The following PEX1 variants were observed in gnomAD, a reference collection of about 807,000 sequenced individuals.
The protein encoded by PEX1 is peroxisomal biogenesis factor 1, also known as peroxisomal ATPase PEX1.
Under a neutral mutation model 152.5 loss-of-function variants are expected in PEX1, and 97 were observed. The ratio of observed to expected loss-of-function variants is 0.64; its 90% CI spans 0.54 to 0.75. The LOEUF (loss-of-function observed/expected upper bound fraction) is 0.75, where lower values mean the gene tolerates loss of function less well. PEX1 is among the 30% of genes least tolerant of loss of function. The pLI is 0.00. For synonymous variants in PEX1, 485 were observed against 531.6 expected, an observed-to-expected ratio of 0.91 and a Z score of 1.21; for missense variants, 1,357 against 1,516.3, an observed-to-expected ratio of 0.89 and a Z score of 1.74.
rs1212408253 is a variant in PEX1 at position 92,487,427 on chromosome 7, TAACAG to T, written c.*25_*29del. 2.4e-6 allele frequency: 3 copies of T among 1,250,626 alleles called. No individual in the cohort carries two copies. In the African/African-American group the frequency reaches 4.4e-5, roughly 18 times the overall value. 77.5% of individuals were successfully genotyped at this position (1,250,626 alleles called of 1,614,324 possible). ...CATATGGAAAAGCCATCAAAAAACT[TAACAG>T]AACCAAATCAAAAAGAAGTATATTT... On this transcript the variant is annotated 3_prime_UTR_variant, in exon 24 of 24. Transcript: ENST00000248633.
rs1286363343 is a variant in PEX1 at position 92,494,537 on chromosome 7, CGG to C, written c.2874_2875del (p.Asp958GlufsTer4). ...CTGAGTCAGCAACTGGTTAACTACT[CGG>C]TCTGTAACTCCTGTATTATCATGAC... On this transcript the variant is annotated frameshift_variant, in exon 18 of 24. Transcript: ENST00000248633. LOFTEE classifies it high-confidence loss of function. The C allele has an allele frequency of 1.3e-5, 21 of 1,613,854 alleles. No individual in the cohort carries two copies. The highest frequency in any genetic ancestry group is 1.8e-5 in the Non-Finnish European group (21 of 1,179,780).
intron 16 of PEX1, among the ~76,000 whole-genome samples, chr7:92,497,541 A>G (rs566551980): frequency 6.6e-6 from 1 of 152,282 alleles, no homozygotes; most frequent in African/African-American, 2.4e-5. Context: ...AGCAAAATCA[A>G]TAATGAGAAT....
At chr7:92,499,949 C>T (rs1791847916) in intron 15 of PEX1, 111 bp from the exon 16 acceptor site, 2 of 802,288 alleles carry the variant, frequency 2.5e-6, no homozygotes, top group East Asian at 2.6e-5. Context: ...TAATCACGAC[C>T]ATCTTTCTTT....
chr7:92,503,619 T>C (rs781739469), intron 12 of PEX1, among the ~76,000 whole-genome samples: 6 of 152,196 alleles, frequency 3.9e-5, no homozygotes, highest in African/African-American at 1.2e-4. Flanking sequence ...CCAGGTCTTA[T>C]AAGGTTTCAT....
At chr7:92,512,363 G>A (rs1164888762) in intron 6 of PEX1, among the ~76,000 whole-genome samples, 1 of 152,172 alleles carries the variant, frequency 6.6e-6, no homozygotes, top group East Asian at 1.9e-4. Flanking sequence ...ATATTGCCTA[G>A]GCTGGAGTGC....
rs745394980 is a variant in PEX1 at position 92,501,503 on chromosome 7, A to G, written c.2583+4T>C. On this transcript the variant is annotated splice_donor_region_variant and intron_variant, in intron 15 of 23. Transcript: ENST00000248633. ...GTATTCACTTTTTCTTTTTTTAAACATACCTTGGCAGGTAACTGGATAGTA... is the reference window on the plus strand; with the variant it reads ...GTATTCACTTTTTCTTTTTTTAAACGTACCTTGGCAGGTAACTGGATAGTA... The G allele has an allele frequency of 7.5e-6, 12 of 1,610,414 alleles. No homozygotes were observed. In the South Asian group the frequency reaches 1.3e-4, roughly 18 times the overall value.
At chr7:92,491,118 C>A (rs926479163) in intron 21 of PEX1, 154 bp downstream of exon 21, 1 of 615,212 alleles carries the variant, frequency 1.6e-6, no homozygotes. Context: ...ATGCAAATTA[C>A]CAATTAGTGT....
intron 22 of PEX1, 114 bp downstream of exon 22, chr7:92,489,600 C>T (rs1350029977): frequency 3.8e-6 from 4 of 1,061,440 alleles, no homozygotes; most frequent in Non-Finnish European, 5.7e-6. Context: ...TTAATGTGTT[C>T]TGGTCCCTTG....
At position 92,491,428 on chromosome 7, in the gene PEX1, G is replaced by A. The variant is rs577474412; in HGVS notation, c.3282C>T (p.Asp1094=). ...MVFLNHSSGS[D]DSAGDGECGL... is the part of the protein sequence containing the mutation. The stretch of plus-strand genomic sequence containing the variant: ...CACATTCTCCATCTCCAGCTGAATC[G>A]TCAGAGCCACTGCTATGGTTAAGAA... Residue 1094 remains aspartate, a synonymous_variant, in exon 21 of 24, where the codon GAC becomes GAT. Transcript: ENST00000248633. 3.3e-5 allele frequency: 54 copies of A among 1,613,680 alleles called. No homozygotes were observed. The South Asian group carries it at 4.7e-4, about 14-fold the overall frequency.
intron 1 of PEX1, among the ~76,000 whole-genome samples, chr7:92,524,715 T>C (rs929665): frequency 0.032 from 4,876 of 152,302 alleles, 107 homozygotes; most frequent in Non-Finnish European, 0.042. Context: ...TTTCTCACAA[T>C]TTTCACAGAA....
chr7:92,511,559 C>T, intron 7 of PEX1, 21 bp downstream of exon 7: 1 of 1,596,638 alleles, frequency 6.3e-7, no homozygotes. Context: ...AAAAAAAAGT[C>T]AAAATAACAA....
At chr7:92,496,620 A>T in intron 17 of PEX1, 93 bp downstream of exon 17, 4 of 830,508 alleles carry the variant, frequency 4.8e-6, no homozygotes, top group Non-Finnish European at 6.4e-6. Context: ...CAGGTTTCAA[A>T]TATCAGTTCT....
chr7:92,525,998 A>G (rs1793248955), intron 1 of PEX1, among the ~76,000 whole-genome samples: 1 of 152,180 alleles, frequency 6.6e-6, no homozygotes, highest in Admixed American at 6.5e-5. Flanking sequence ...AGTGGGAAGG[A>G]GATTGGTTAT....
intron 19 of PEX1, chr7:92,493,841 CATTT>C (rs953372944): frequency 7.9e-5 from 15 of 190,936 alleles, no homozygotes; most frequent in African/African-American, 2.9e-4. Flanking sequence ...TTCTTTCATT[CATTT>C]ATTTGTTTGC....
chr7:92,519,688 T>C (rs2116256510), intron 2 of PEX1, among the ~76,000 whole-genome samples: 1 of 152,296 alleles, frequency 6.6e-6, no homozygotes, highest in East Asian at 1.9e-4. Context: ...AAAAATACAC[T>C]GAAATAGACA....
intron 16 of PEX1, among the ~76,000 whole-genome samples, chr7:92,499,485 A>G (rs1791817850): frequency 6.6e-6 from 1 of 152,224 alleles, no homozygotes; most frequent in Admixed American, 6.5e-5. Context: ...TATGAAATAT[A>G]CAGAAAAGGC....
chr7:92,492,363 C>T (rs1400858683), intron 20 of PEX1, among the ~76,000 whole-genome samples: 1 of 152,142 alleles, frequency 6.6e-6, no homozygotes, highest in Admixed American at 6.5e-5. Flanking sequence ...ATAGTGGGTA[C>T]AGTTTGTGCA....
intron 6 of PEX1, among the ~76,000 whole-genome samples, chr7:92,513,390 T>C (rs1373788306): frequency 6.6e-6 from 1 of 152,102 alleles, no homozygotes; most frequent in Non-Finnish European, 1.5e-5. Flanking sequence ...AGGAATAACA[T>C]TCTGATACAT....
chr7:92,514,641 T>C (rs1792636860), intron 5 of PEX1, among the ~76,000 whole-genome samples: 2 of 152,158 alleles, frequency 1.3e-5, no homozygotes, highest in Admixed American at 6.5e-5. Context: ...AGAAACTTAA[T>C]CTAAAAAGCA....
Sources: gnomAD v4.1 joint callset for allele counts (sites outside exome capture counted in the v4.1 genomes callset) on GRCh38, gnomAD v4.1.1 for gene constraint, MANE v1.5 for transcripts, NCBI Gene and HGNC (gene_info 2026-07-23, HGNC 2026-07-21) for gene names.